Variants in PLXNC1 observed in about 807,000 individuals in gnomAD.
PLXNC1 encodes plexin C1, also known as plexin-C1.
PLXNC1 carries 75 observed loss-of-function variants against 178.2 expected under a neutral mutation model. That is an observed-to-expected ratio of 0.42 (90% CI 0.35 to 0.51). PLXNC1 has a LOEUF of 0.51. Ranked by LOEUF, PLXNC1 falls within the 20% of genes least tolerant of loss-of-function variation. The pLI is 0.02. For synonymous variants in PLXNC1, 790 were observed against 779.9 expected (o/e 1.01, Z -0.22); for missense variants, 1,503 against 1,984.4 (o/e 0.76, Z 4.61).
intron 21 of PLXNC1, among the ~76,000 whole-genome samples, chr12:94,276,211 C>T (rs1020249399): frequency 2.0e-5 from 3 of 152,134 alleles, no homozygotes; most frequent in African/African-American, 4.8e-5. Context: ...GCTGAAGCTC[C>T]GATTAAAAGG....
rs78747299 is a variant in PLXNC1 at position 94,216,740 on chromosome 12, C to T, written c.1555-3276C>T. On this transcript the variant is annotated intron_variant, in intron 5 of 30. Transcript: ENST00000258526. The stretch of plus-strand genomic sequence containing the variant: ...AAATAATGAAACTGTTTAGCAATAA[C>T]GAATGATTCAGTAAAATAAGATATG... Among the ~76,000 whole-genome samples, 177 of 152,294 alleles carry T rather than the reference C, an allele frequency of 1.2e-3. 1 individual carries two copies. Among genetic ancestry groups the T allele is most frequent in the African/African-American group, 4.0e-3 (165 of 41,568 alleles).
chr12:94,261,721 G>A (rs190953118), intron 20 of PLXNC1, among the ~76,000 whole-genome samples: 140 of 152,322 alleles, frequency 9.2e-4, no homozygotes, highest in African/African-American at 2.9e-3. Flanking sequence ...TTTGTAGCTA[G>A]TTCCGAAATC....
intron 9 of PLXNC1, among the ~76,000 whole-genome samples, chr12:94,232,218 C>T (rs1964121839): frequency 6.6e-6 from 1 of 152,166 alleles, no homozygotes; most frequent in Non-Finnish European, 1.5e-5. Context: ...TCCCAAGTAG[C>T]TGGGATTACA....
At chr12:94,244,563 TC>T (rs1397350174) in intron 12 of PLXNC1, among the ~76,000 whole-genome samples, 1 of 152,100 alleles carries the variant, frequency 6.6e-6, no homozygotes, top group Non-Finnish European at 1.5e-5. Flanking sequence ...GTAGGAGGGG[TC>T]TGGTTTCCAC....
intron 6 of PLXNC1, among the ~76,000 whole-genome samples, chr12:94,221,178 C>A (rs1382075110): frequency 6.6e-6 from 1 of 152,228 alleles, no homozygotes; most frequent in Admixed American, 6.5e-5. Flanking sequence ...TTGGAGAAGA[C>A]ATCTTCACTG....
intron 22 of PLXNC1, among the ~76,000 whole-genome samples, chr12:94,281,479 A>G (rs1417688409): frequency 2.6e-5 from 4 of 152,248 alleles, no homozygotes; most frequent in South Asian, 4.2e-4. Context: ...GGACAGTGCC[A>G]TTTGCTTCAG....
chr12:94,174,343 C>T (rs1961968382), intron 2 of PLXNC1, among the ~76,000 whole-genome samples: 1 of 151,968 alleles, frequency 6.6e-6, no homozygotes, highest in African/African-American at 2.4e-5. Flanking sequence ...TGCCCCCACA[C>T]CTGGCTAATT....
chr12:94,287,967 G>A (rs1565862896), intron 23 of PLXNC1, among the ~76,000 whole-genome samples: 1 of 152,226 alleles, frequency 6.6e-6, no homozygotes, highest in African/African-American at 2.4e-5. Flanking sequence ...CTTGGCCAGA[G>A]TCACAGAGTT....
chr12:94,279,992 T>C (rs528691605), intron 22 of PLXNC1: 33 of 401,484 alleles, frequency 8.2e-5, no homozygotes, highest in Non-Finnish European at 1.3e-4. Context: ...CAGTGCCCTC[T>C]GCGTGTGTTG....
At chr12:94,291,643 T>C (rs1967333277) in intron 23 of PLXNC1, among the ~76,000 whole-genome samples, 1 of 152,176 alleles carries the variant, frequency 6.6e-6, no homozygotes, top group East Asian at 1.9e-4. Context: ...TTTAGAACAT[T>C]TTCATCCCTC....
intron 15 of PLXNC1, 93 bp downstream of exon 15, chr12:94,251,621 A>C (rs1964691683): frequency 2.5e-6 from 2 of 791,024 alleles, no homozygotes; most frequent in South Asian, 1.4e-5. Flanking sequence ...TGTTTGCTTC[A>C]ATTAAGTATA....
chr12:94,282,487 A>C, intron 23 of PLXNC1, 86 bp downstream of exon 23: 1 of 868,916 alleles, frequency 1.2e-6, no homozygotes, highest in Non-Finnish European at 1.9e-6. Context: ...CAGGACTCCC[A>C]CCCATTTCCT....
At chr12:94,198,796 T>C (rs1192645345) in intron 4 of PLXNC1, among the ~76,000 whole-genome samples, 2 of 152,152 alleles carry the variant, frequency 1.3e-5, no homozygotes, top group Non-Finnish European at 2.9e-5. Context: ...TGTCCAAATC[T>C]CCCTCTCCTT....
rs921093860 is a variant in PLXNC1, at chr12:94,303,688, T to C, written c.4387-68T>C. The C allele has an allele frequency of 9.6e-5, 120 of 1,255,350 alleles. No homozygotes were observed. In the African/African-American group the frequency reaches 1.7e-3, roughly 18 times the overall value. 77.8% of individuals were successfully genotyped at this position (1,255,350 alleles called of 1,614,324 possible). A position where few individuals can be genotyped will look rare whatever the true frequency, so the allele number is the denominator to read the frequency against. ...GCTACATTGGAATATTATAAATTCC[T>C]CCATCTTTTTTTTTTTTTTTTTTTA... On this transcript the variant is annotated intron_variant, in intron 28 of 30. Transcript: ENST00000258526.
intron 2 of PLXNC1, among the ~76,000 whole-genome samples, chr12:94,169,567 A>C (rs866651415): frequency 2.6e-5 from 4 of 152,134 alleles, no homozygotes; most frequent in Non-Finnish European, 5.9e-5. Context: ...GGGTGAGGTA[A>C]ATGGAGGTCT....
At chr12:94,244,392 T>C (rs1225396521) in intron 12 of PLXNC1, among the ~76,000 whole-genome samples, 1 of 152,210 alleles carries the variant, frequency 6.6e-6, no homozygotes, top group Non-Finnish European at 1.5e-5. Context: ...GAGTAGGTGG[T>C]ATTGTTCCCA....
intron 26 of PLXNC1, 97 bp downstream of exon 26, chr12:94,297,520 C>T (rs2136215930): frequency 1.2e-6 from 1 of 824,976 alleles, no homozygotes; most frequent in Non-Finnish European, 2.0e-6. Flanking sequence ...TTACAAATCC[C>T]TTGTGCCTTC....
At chr12:94,169,547 T>TA (rs1961762267) in intron 2 of PLXNC1, among the ~76,000 whole-genome samples, 1 of 152,172 alleles carries the variant, frequency 6.6e-6, no homozygotes, top group Non-Finnish European at 1.5e-5. Context: ...TCCTTACTCA[T>TA]AAGCCAGCTG....
chr12:94,169,583 C>G (rs1961763802), intron 2 of PLXNC1, among the ~76,000 whole-genome samples: 1 of 152,180 alleles, frequency 6.6e-6, no homozygotes, highest in African/African-American at 2.4e-5. Flanking sequence ...GGTCTGGTCC[C>G]TACCCCAACC....
Sources: gnomAD v4.1 joint callset for allele counts (sites outside exome capture counted in the v4.1 genomes callset) on GRCh38, gnomAD v4.1.1 for gene constraint, MANE v1.5 for transcripts, NCBI Gene and HGNC (gene_info 2026-07-23, HGNC 2026-07-21) for gene names.